Variants in RAB3C observed in about 807,000 individuals in gnomAD.
RAB3C encodes RAB3C, member RAS oncogene family.
In RAB3C, 17 loss-of-function variants were observed where a neutral mutation model predicts 26.4. The ratio of observed to expected loss-of-function variants is 0.64; its 90% confidence interval spans 0.44 to 0.97. RAB3C has a LOEUF of 0.97. Ranked by LOEUF, RAB3C falls within the 50% of genes least tolerant of loss-of-function variation. The pLI is 0.00. For synonymous variants in RAB3C, 91 were observed against 95.9 expected (o/e 0.95, Z 0.30); for missense variants, 242 against 281.9 (o/e 0.86, Z 1.01).
chr5:58,809,096 C>T (rs1743011778), intron 3 of RAB3C, among the ~76,000 whole-genome samples: 1 of 152,120 alleles, frequency 6.6e-6, no homozygotes, highest in South Asian at 2.1e-4. Context: ...ATGTGACATA[C>T]CCAGAGAATG....
chr5:58,772,259 G>T (rs899708045), intron 3 of RAB3C, among the ~76,000 whole-genome samples: 11 of 152,132 alleles, frequency 7.2e-5, no homozygotes, highest in Non-Finnish European at 1.5e-4. Context: ...TTCAGCAAGG[G>T]ACTGACAGGA....
intron 1 of RAB3C, among the ~76,000 whole-genome samples, chr5:58,601,056 G>A (rs546661030): frequency 6.6e-6 from 1 of 152,108 alleles, no homozygotes; most frequent in Non-Finnish European, 1.5e-5. Flanking sequence ...AATTATAAAG[G>A]GATGCTGGAT....
chr5:58,641,873 T>C (rs888926899), intron 2 of RAB3C, among the ~76,000 whole-genome samples: 2 of 152,160 alleles, frequency 1.3e-5, no homozygotes, highest in Non-Finnish European at 2.9e-5. Context: ...AAAAGAGTTA[T>C]TATTTATGTT....
intron 3 of RAB3C, among the ~76,000 whole-genome samples, chr5:58,766,749 C>T (rs115911736): frequency 0.013 from 1,911 of 152,106 alleles, 44 homozygotes; most frequent in African/African-American, 0.043. Context: ...TCGGAGCCTT[C>T]GTTAGATAAA....
chr5:58,591,241 A>T (rs1241514628), intron 1 of RAB3C, among the ~76,000 whole-genome samples: 1 of 152,112 alleles, frequency 6.6e-6, no homozygotes, highest in Non-Finnish European at 1.5e-5. Context: ...TCTAAATATC[A>T]TTAGGGTTAT....
At chr5:58,658,551 A>G (rs1747830446) in intron 2 of RAB3C, among the ~76,000 whole-genome samples, 3 of 152,192 alleles carry the variant, frequency 2.0e-5, no homozygotes, top group Admixed American at 1.3e-4. Flanking sequence ...AACATTCCTT[A>G]TTGTTTGCAT....
At position 58,833,324 on chromosome 5, in the gene RAB3C, T is replaced by TCACACACACACACACA. The variant is rs571940681; in HGVS notation, c.496+8185_496+8200dup. Among the ~76,000 whole-genome samples the TCACACACACACACACA allele has an allele frequency of 8.1e-3, 1,139 of 141,070 alleles. 5 individuals are homozygous for TCACACACACACACACA. The highest frequency in any genetic ancestry group is 0.034 in the East Asian group (160 of 4,710). 92.5% of individuals were successfully genotyped at this position (141,070 alleles called of 152,430 possible). A position where few individuals can be genotyped will look rare whatever the true frequency, so the allele number is the denominator to read the frequency against. On this transcript the variant is annotated intron_variant, in intron 4 of 4. Transcript: ENST00000282878. Reference sequence around the variant, plus strand: ...TTTAAAAACCATGGCACGGACCCCATCACACACACACACACACACACACAC... The same window carrying TCACACACACACACACA: ...TTTAAAAACCATGGCACGGACCCCATCACACACACACACACACACACACACACACACACACACACAC...
At position 58,583,194 on chromosome 5, in the gene RAB3C, G is replaced by C; in HGVS notation, c.-15G>C. On this transcript the variant is annotated 5_prime_UTR_variant, in exon 1 of 5. Coordinates refer to ENST00000282878, the MANE Select transcript of RAB3C (RefSeq NM_138453.4). ...CAGTGCGGTCCTAGCCAGAGAGAAA[G>C]GACATTTGCCAACAATGAGACACGA... 6.2e-7 allele frequency: 1 copy of C among 1,614,202 alleles called. No individual in the cohort carries two copies. Among genetic ancestry groups the C allele is most frequent in the Non-Finnish European group, 8.5e-7 (1 of 1,180,032 alleles).
intron 1 of RAB3C, among the ~76,000 whole-genome samples, chr5:58,612,512 GTGTGTGTGTATATA>G (rs1326052506): frequency 1.4e-5 from 1 of 70,246 alleles, no homozygotes; most frequent in Non-Finnish European, 2.4e-5. Flanking sequence ...GTGTGTGTGT[GTGTGTGTGTATATA>G]TATATATATA....
rs917165245 is a variant in RAB3C at position 58,634,202 on chromosome 5, A to T, written c.252+16332A>T. ...TTTTATTTAGATATTTTTAGTTCTC[A>T]CAATCATCACTGTTCTTCTTTCCCA... On this transcript the variant is annotated intron_variant, in intron 2 of 4. Coordinates refer to ENST00000282878, the MANE Select transcript of RAB3C (RefSeq NM_138453.4). 7.9e-5 allele frequency among the ~76,000 whole-genome samples: 12 copies of T among 152,272 alleles called. No individual in the cohort carries two copies. In the East Asian group the frequency reaches 2.3e-3, roughly 29 times the overall value.
chr5:58,642,903 C>A (rs1354585656), intron 2 of RAB3C, among the ~76,000 whole-genome samples: 1 of 152,026 alleles, frequency 6.6e-6, no homozygotes, highest in Non-Finnish European at 1.5e-5. Context: ...TTGGTTGTGG[C>A]CACACAGAGG....
chr5:58,610,194 C>CTGTGTGTGTGTG (rs1168785442), intron 1 of RAB3C, among the ~76,000 whole-genome samples: 28,804 of 143,200 alleles, frequency 0.2, 3,058 homozygotes, highest in African/African-American at 0.24. Flanking sequence ...TTTTGTTTTT[C>CTGTGTGTGTGTG]TGTGTGTGTG....
chr5:58,665,988 A>G (rs1463683935), intron 2 of RAB3C, among the ~76,000 whole-genome samples: 4 of 152,178 alleles, frequency 2.6e-5, no homozygotes, highest in African/African-American at 9.7e-5. Flanking sequence ...AATACACTGC[A>G]CTAAAATATT....
intron 3 of RAB3C, among the ~76,000 whole-genome samples, chr5:58,774,705 G>C (rs538318198): frequency 2.6e-5 from 4 of 152,266 alleles, no homozygotes; most frequent in East Asian, 1.9e-4. Flanking sequence ...AAAGCAGCTA[G>C]ATATAGGTGA....
At chr5:58,768,800 C>A (rs1741963126) in intron 3 of RAB3C, among the ~76,000 whole-genome samples, 1 of 152,036 alleles carries the variant, frequency 6.6e-6, no homozygotes, top group Admixed American at 6.6e-5. Flanking sequence ...AGGGCTAGAT[C>A]ATGGGGTCCC....
intron 3 of RAB3C, among the ~76,000 whole-genome samples, chr5:58,785,056 G>A (rs1742347735): frequency 6.6e-6 from 1 of 152,284 alleles, no homozygotes; most frequent in East Asian, 1.9e-4. Flanking sequence ...CAGGACTGAG[G>A]GAAATTTCTA....
intron 2 of RAB3C, among the ~76,000 whole-genome samples, chr5:58,679,523 T>A (rs899350910): frequency 6.6e-6 from 1 of 152,194 alleles, no homozygotes; most frequent in African/African-American, 2.4e-5. Flanking sequence ...ATTCTGTAGA[T>A]CAAGGGCCTT....
chr5:58,833,326 A>T (rs866070915), intron 4 of RAB3C, among the ~76,000 whole-genome samples: 19 of 129,760 alleles, frequency 1.5e-4, no homozygotes, highest in African/African-American at 6.5e-4. Flanking sequence ...GGACCCCATC[A>T]CACACACACA....
intron 2 of RAB3C, among the ~76,000 whole-genome samples, chr5:58,720,092 A>C (rs754738935): frequency 2.6e-5 from 4 of 151,920 alleles, no homozygotes; most frequent in Non-Finnish European, 5.9e-5. Context: ...CTTCGACACT[A>C]AATAAATTAT....
Sources: gnomAD v4.1 joint callset for allele counts (sites outside exome capture counted in the v4.1 genomes callset) on GRCh38, gnomAD v4.1.1 for gene constraint, MANE v1.5 for transcripts, NCBI Gene and HGNC (gene_info 2026-07-23, HGNC 2026-07-21) for gene names.